The following GPHN variants were observed in gnomAD, a reference collection of about 807,000 sequenced individuals.
The protein encoded by GPHN is gephyrin.
Under a neutral mutation model 95.5 loss-of-function variants are expected in GPHN, and 17 were observed. That is an observed-to-expected ratio of 0.18 (90% CI 0.12 to 0.27). GPHN has a LOEUF of 0.27. GPHN is among the 10% of genes least tolerant of loss of function. The pLI is 1.00. For missense variants in GPHN, 660 were observed against 978.1 expected (o/e 0.67, Z 4.34); for synonymous variants, 320 against 322.5 (o/e 0.99, Z 0.08).
chr14:66,585,544 C>G (rs1462884086), intron 1 of GPHN, among the ~76,000 whole-genome samples: 2 of 152,068 alleles, frequency 1.3e-5, no homozygotes, highest in Non-Finnish European at 2.9e-5. Flanking sequence ...AAATTTCCCT[C>G]TACACACTGC....
intron 11 of GPHN, among the ~76,000 whole-genome samples, chr14:67,069,126 G>A (rs2076181552): frequency 6.6e-6 from 1 of 152,140 alleles, no homozygotes; most frequent in Admixed American, 6.5e-5. Flanking sequence ...AACCTTTCTA[G>A]GTCTTATCTC....
At chr14:67,412,485 C>CA in the GPHN span, among the ~76,000 whole-genome samples, 5 of 152,116 alleles carry the variant, frequency 3.3e-5, no homozygotes, top group African/African-American at 4.8e-5. Context: ...TTCCTGAGCT[C>CA]ATTGCAAGTA....
intron 3 of GPHN, among the ~76,000 whole-genome samples, chr14:66,822,615 A>G (rs567106959): frequency 6.6e-6 from 1 of 152,314 alleles, no homozygotes; most frequent in Admixed American, 6.5e-5. Flanking sequence ...TTATGTTATA[A>G]GGAAGTATTA....
At chr14:67,662,765 G>A in the GPHN span, among the ~76,000 whole-genome samples, 4 of 152,134 alleles carry the variant, frequency 2.6e-5, no homozygotes, top group South Asian at 2.1e-4. Flanking sequence ...TTAGCCGGGC[G>A]TGGTGGCAGG....
intron 2 of GPHN, among the ~76,000 whole-genome samples, chr14:66,728,964 G>A (rs1434724842): frequency 6.6e-6 from 1 of 152,174 alleles, no homozygotes; most frequent in Non-Finnish European, 1.5e-5. Flanking sequence ...TATTGTGGGA[G>A]GAACCTGGTG....
chr14:66,790,718 G>A (rs2059941475), intron 3 of GPHN, among the ~76,000 whole-genome samples: 1 of 152,168 alleles, frequency 6.6e-6, no homozygotes, highest in Admixed American at 6.5e-5. Context: ...GGAGGGTCAG[G>A]GAACTCAGGA....
At chr14:67,199,985 T>G in the GPHN span, 16 of 1,104,478 alleles carry the variant, frequency 1.4e-5, no homozygotes, top group Admixed American at 1.7e-4. Context: ...ATGTCTCAGA[T>G]GCAGCTGGCA....
chr14:66,629,141 T>TTA (rs1224001282), intron 1 of GPHN, among the ~76,000 whole-genome samples: 4 of 125,494 alleles, frequency 3.2e-5, no homozygotes, highest in Non-Finnish European at 6.4e-5. Context: ...AAATATATAT[T>TTA]TATATACATA....
chr14:66,543,533 C>G (rs1415950617), intron 1 of GPHN, among the ~76,000 whole-genome samples: 1 of 152,150 alleles, frequency 6.6e-6, no homozygotes, highest in East Asian at 1.9e-4. Flanking sequence ...CTGAATTGTA[C>G]ACATATATAC....
chr14:67,133,938 A>G (rs911675132), intron 17 of GPHN, among the ~76,000 whole-genome samples: 18 of 152,204 alleles, frequency 1.2e-4, no homozygotes, highest in African/African-American at 3.9e-4. Context: ...AAATAGGCAA[A>G]TGTTTCTTAT....
At chr14:67,314,482 T>TA in the GPHN span, among the ~76,000 whole-genome samples, 1 of 152,232 alleles carries the variant, frequency 6.6e-6, no homozygotes, top group Admixed American at 6.5e-5. Flanking sequence ...ATGGACTTCT[T>TA]ACATTTATTT....
chr14:66,879,802 A>C, intron 4 of GPHN, 137 bp from the exon 5 acceptor site: 1 of 689,056 alleles, frequency 1.5e-6, no homozygotes, highest in Non-Finnish European at 2.6e-6. Context: ...ATGCCTCAAA[A>C]AGATAAATGT....
chr14:67,055,145 T>G (rs1193624062), intron 10 of GPHN, among the ~76,000 whole-genome samples: 1 of 151,994 alleles, frequency 6.6e-6, no homozygotes, highest in African/African-American at 2.4e-5. Context: ...GTCATCAGAG[T>G]GAAGAGACAA....
intron 10 of GPHN, among the ~76,000 whole-genome samples, chr14:67,033,797 A>G (rs1445607537): frequency 6.7e-6 from 1 of 150,102 alleles, no homozygotes; most frequent in Non-Finnish European, 1.5e-5. Context: ...AACTGTCAAA[A>G]ATCAAGGGCA....
intron 2 of GPHN, among the ~76,000 whole-genome samples, chr14:66,684,388 A>C (rs2067199260): frequency 6.6e-6 from 1 of 152,222 alleles, no homozygotes; most frequent in Non-Finnish European, 1.5e-5. Context: ...GTACAGAAAT[A>C]AAACTGTAAT....
At chr14:67,435,839 C>T in the GPHN span, among the ~76,000 whole-genome samples, 1 of 152,194 alleles carries the variant, frequency 6.6e-6, no homozygotes, top group African/African-American at 2.4e-5. Context: ...GTGGTGCCAG[C>T]GGGTGGAGGT....
intron 1 of GPHN, among the ~76,000 whole-genome samples, chr14:66,624,009 G>C (rs2063420367): frequency 6.6e-6 from 1 of 152,134 alleles, no homozygotes; most frequent in African/African-American, 2.4e-5. Flanking sequence ...AGCCAAAGGA[G>C]AGAAAAAGTC....
the GPHN span, among the ~76,000 whole-genome samples, chr14:67,242,778 C>G: frequency 6.6e-6 from 1 of 152,136 alleles, no homozygotes; most frequent in African/African-American, 2.4e-5. Flanking sequence ...ATTATTTTAT[C>G]TTTAAAAATC....
At chr14:66,836,066 T>G (rs1180446979) in intron 4 of GPHN, among the ~76,000 whole-genome samples, 1 of 135,228 alleles carries the variant, frequency 7.4e-6, no homozygotes, top group Non-Finnish European at 1.5e-5. Context: ...TACCAATGCC[T>G]TTCTTCACAG....
Sources: gnomAD v4.1 joint callset for allele counts (sites outside exome capture counted in the v4.1 genomes callset) on GRCh38, gnomAD v4.1.1 for gene constraint, MANE v1.5 for transcripts, NCBI Gene and HGNC (gene_info 2026-07-23, HGNC 2026-07-21) for gene names.